Variants in PPP2R2C observed in about 807,000 individuals in gnomAD.
The protein encoded by PPP2R2C is protein phosphatase 2, regulatory subunit B, gamma.
In PPP2R2C, 10 loss-of-function variants were observed where a neutral mutation model predicts 45.3. The observed-to-expected ratio is 0.22, with a 90% CI of 0.14 to 0.37. The LOEUF (loss-of-function observed/expected upper bound fraction) is 0.37. Among genes scored for constraint, PPP2R2C ranks in the 10% least tolerant of loss-of-function variants. The pLI, the probability that PPP2R2C is intolerant of heterozygous loss-of-function variation, is 1.00. For synonymous variants in PPP2R2C, 257 were observed against 245.4 expected (o/e 1.05, Z -0.44); for missense variants, 308 against 619.7 (o/e 0.50, Z 5.34).
intron 1 of PPP2R2C, among the ~76,000 whole-genome samples, chr4:6,436,129 A>G (rs1218453819): frequency 1.3e-5 from 2 of 152,248 alleles, no homozygotes; most frequent in Non-Finnish European, 2.9e-5. Flanking sequence ...ACAGGTCCTC[A>G]GCAGACACCA....
rs1404338076 is a variant in PPP2R2C at position 6,375,820 on chromosome 4, T to C, written c.446A>G (p.Gln149Arg). The change falls in exon 4 of 9, where the codon CAG becomes CGG. Residue 149 changes from glutamine (Q) to arginine (R), a missense_variant and splice_region_variant. Gln to Arg is a conservative substitution (Grantham distance 43). Transcript: ENST00000382599. The stretch of plus-strand genomic sequence containing the variant: ...TGCTTCCCCCTCACCGGAGCTCACC[T>C]GCAGTGACGTCACCGTGGACAGGTC... Reference protein sequence around the residue: ...LKDLSTVTSLQVPVLKPMDLM... With the variant: ...LKDLSTVTSLRVPVLKPMDLM... 1.2e-6 allele frequency: 2 copies of C among 1,610,118 alleles called. No individual in the cohort carries two copies. Among genetic ancestry groups the C allele is most frequent in the African/African-American group, 1.3e-5 (1 of 74,760 alleles).
At chr4:6,384,906 C>T in intron 1 of PPP2R2C, 1 of 940,374 alleles carries the variant, frequency 1.1e-6, no homozygotes, top group Non-Finnish European at 1.3e-6. Flanking sequence ...GCTGTGTGGT[C>T]TTGGGTAAGC....
At chr4:6,341,338 C>CAAAAAA (rs10604483) in intron 6 of PPP2R2C, among the ~76,000 whole-genome samples, 7 of 91,296 alleles carry the variant, frequency 7.7e-5, no homozygotes, top group Non-Finnish European at 1.7e-4. Context: ...GACTCCATTT[C>CAAAAAA]AAAAAAAAAA....
At position 6,408,812 on chromosome 4, in the gene PPP2R2C, CA is replaced by C. The variant is rs1194061805; in HGVS notation, c.71-27719del. On this transcript the variant is annotated intron_variant, in intron 1 of 8. Coordinates refer to ENST00000382599, the MANE Select transcript of PPP2R2C (RefSeq NM_020416.4). ...GAGAGAATGGAGCCTGGGGAGTGGA[CA>C]GGGGGCTGCAGCTGGTCAGGGGTGT... Among the ~76,000 whole-genome samples, 4 of 148,132 alleles carry C rather than the reference CA, an allele frequency of 2.7e-5. No homozygotes were observed. In the East Asian group the frequency reaches 8.2e-4, roughly 30 times the overall value.
intron 5 of PPP2R2C, among the ~76,000 whole-genome samples, chr4:6,354,559 CGT>C (rs1560473003): frequency 6.6e-6 from 1 of 152,058 alleles, no homozygotes; most frequent in Non-Finnish European, 1.5e-5. Context: ...ATGACTGATC[CGT>C]GGGCAAATAT....
Position 6,533,600 on chromosome 4 carries a change from A to C in PPP2R2C, c.49+1671T>G, listed in dbSNP as rs547931891. 2.0e-5 allele frequency among the ~76,000 whole-genome samples: 3 copies of C among 152,344 alleles called. No homozygotes were observed. In the East Asian group the frequency reaches 5.8e-4, roughly 29 times the overall value. ...AATGCCTATGACGCACAGCTGCTTA[A>C]GGCTGCCTGGGGACCGTAAGTCTGC... is the stretch of plus-strand genomic sequence containing the variant. On this transcript the variant is annotated intron_variant, in intron 2 of 9. Transcript: ENST00000506140.
chr4:6,519,867 G>A (rs1179637598), intron 2 of PPP2R2C, among the ~76,000 whole-genome samples: 1 of 151,844 alleles, frequency 6.6e-6, no homozygotes, highest in African/African-American at 2.4e-5. Context: ...GGAAGGAGGA[G>A]ACAGAGTGGC....
chr4:6,506,118 T>C (rs772396730), intron 2 of PPP2R2C, among the ~76,000 whole-genome samples: 2 of 152,172 alleles, frequency 1.3e-5, no homozygotes, highest in Non-Finnish European at 2.9e-5. Context: ...CATGACCTTC[T>C]AAAATAATGT....
intron 1 of PPP2R2C, among the ~76,000 whole-genome samples, chr4:6,462,118 G>A (rs925568505): frequency 6.6e-6 from 1 of 152,258 alleles, no homozygotes; most frequent in East Asian, 1.9e-4. Context: ...GGAGAGAGGG[G>A]CAGCCCCAAG....
intron 2 of PPP2R2C, among the ~76,000 whole-genome samples, chr4:6,511,504 ATGGTGGTGG>A (rs1268380529): frequency 1.0e-4 from 1 of 9,608 alleles, no homozygotes; most frequent in Non-Finnish European, 2.3e-4. Context: ...GATGGCGGTG[ATGGTGGTGG>A]TGGTGGTGGT....
chr4:6,487,649 T>C (rs1722570068), intron 2 of PPP2R2C, among the ~76,000 whole-genome samples: 1 of 152,120 alleles, frequency 6.6e-6, no homozygotes, highest in Non-Finnish European at 1.5e-5. Context: ...GATTTTCTCT[T>C]TATTATTTTG....
At chr4:6,460,203 G>T (rs1349611764) in intron 1 of PPP2R2C, among the ~76,000 whole-genome samples, 2 of 152,180 alleles carry the variant, frequency 1.3e-5, no homozygotes, top group Admixed American at 1.3e-4. Context: ...ACCTCAAAAT[G>T]TGACTGTGTT....
intron 1 of PPP2R2C, among the ~76,000 whole-genome samples, chr4:6,459,671 C>T (rs1721221684): frequency 6.6e-6 from 1 of 152,086 alleles, no homozygotes; most frequent in Admixed American, 6.5e-5. Flanking sequence ...CCTATAATGC[C>T]AGCTTCTTGG....
rs143708875 is a variant in PPP2R2C at position 6,447,283 on chromosome 4, C to T, written c.70+24877G>A. On this transcript the variant is annotated intron_variant, in intron 1 of 8. Coordinates refer to ENST00000382599, the MANE Select transcript of PPP2R2C (RefSeq NM_020416.4). ...GCAGAGAAGGTCCCTCGCACCCTTC[C>T]GTGGGGACACGCTGCCACCTCAGCC... is the stretch of plus-strand genomic sequence containing the variant. Among the ~76,000 whole-genome samples, 771 of 152,214 alleles carry T rather than the reference C, an allele frequency of 5.1e-3. 7 individuals carry two copies. Among genetic ancestry groups the T allele is most frequent in the African/African-American group, 0.017 (703 of 41,546 alleles).
At chr4:6,497,658 C>A (rs1722920614) in intron 2 of PPP2R2C, among the ~76,000 whole-genome samples, 1 of 152,140 alleles carries the variant, frequency 6.6e-6, no homozygotes, top group African/African-American at 2.4e-5. Context: ...ATCAACAGAG[C>A]ATTGCCTTCT....
At chr4:6,477,091 A>T (rs541714178), upstream of PPP2R2C, among the ~76,000 whole-genome samples, 3 of 152,164 alleles carry the variant, frequency 2.0e-5, no homozygotes, top group African/African-American at 4.8e-5. Context: ...CGTCTCTACT[A>T]AAAAAATGCA....
intron 1 of PPP2R2C, among the ~76,000 whole-genome samples, chr4:6,561,533 G>A (rs905671921): frequency 6.6e-6 from 1 of 152,060 alleles, no homozygotes; most frequent in African/African-American, 2.4e-5. Context: ...ATTGTTTCAT[G>A]TTTTTCCAAG....
chr4:6,521,146 A>C (rs1488227221), intron 2 of PPP2R2C, among the ~76,000 whole-genome samples: 2 of 152,188 alleles, frequency 1.3e-5, no homozygotes, highest in Non-Finnish European at 2.9e-5. Flanking sequence ...GTCTGACTCC[A>C]AGCCGGGTGC....
chr4:6,378,509 G>A lies in PPP2R2C; in HGVS notation c.232C>T (p.Pro78Ser). The change falls in exon 3 of 9, where the codon CCG (proline) becomes TCG (serine). Residue 78 changes from proline (P) to serine (S), a missense_variant. Pro to Ser is a moderately conservative substitution (Grantham distance 74). Coordinates refer to ENST00000382599, the MANE Select transcript of PPP2R2C (RefSeq NM_020416.4). This position sits in a 1 kb window ranked among gnomAD's most constrained non-coding sequence, Gnocchi z 5.2. ...AGGCTCTTGAGATAGTCAAACTCCG[G>A]CTCGTGGCTCTGGAAAGTGCTGTAC... Reference protein sequence around the residue: ...DVYSTFQSHEPEFDYLKSLEI... With the variant: ...DVYSTFQSHESEFDYLKSLEI... 1 of 1,614,140 alleles carries A rather than the reference G, an allele frequency of 6.2e-7. No homozygotes were observed. Among genetic ancestry groups the A allele is most frequent in the Non-Finnish European group, 8.5e-7 (1 of 1,180,040 alleles).
Sources: gnomAD v4.1 joint callset for allele counts (sites outside exome capture counted in the v4.1 genomes callset) on GRCh38, gnomAD v4.1.1 for gene constraint, Gnocchi (gnomAD v3.1) non-coding constraint, MANE v1.5 for transcripts, NCBI Gene and HGNC (gene_info 2026-07-23, HGNC 2026-07-21) for gene names.